SRGAP3: variants seen among roughly 807,000 people sequenced by gnomAD.
The protein encoded by SRGAP3 is SLIT-ROBO Rho GTPase activating protein 3, also known as SLIT-ROBO Rho GTPase-activating protein 3.
In SRGAP3, 39 loss-of-function variants were observed where a neutral mutation model predicts 121.1. The observed-to-expected ratio is 0.32, with a 90% CI of 0.25 to 0.42. The LOEUF (loss-of-function observed/expected upper bound fraction) is 0.42. SRGAP3 is among the 10% of genes least tolerant of loss of function. SRGAP3 has a pLI of 1.00. For synonymous variants in SRGAP3, 601 were observed against 570.0 expected (o/e 1.05, Z -0.77); for missense variants, 1,213 against 1,470.6 (o/e 0.82, Z 2.86).
At chr3:9,029,233 C>T (rs774544370) in intron 12 of SRGAP3, among the ~76,000 whole-genome samples, 1 of 152,184 alleles carries the variant, frequency 6.6e-6, no homozygotes, top group Non-Finnish European at 1.5e-5. Context: ...GCTCTAGAAA[C>T]ATAACATATA....
At chr3:9,009,617 G>C (rs1213926363) in intron 18 of SRGAP3, among the ~76,000 whole-genome samples, 2 of 152,106 alleles carry the variant, frequency 1.3e-5, no homozygotes, top group African/African-American at 2.4e-5. Context: ...GGATAAGTTG[G>C]CATATGGTTC....
rs550366070 is a variant in SRGAP3, at chr3:9,180,760, G to A, written c.68-55843C>T. ...CTTTACCCTGTCTGAATGCAGCCCC[G>A]AGAGCAGATCCCAGTTCCCACTGTA... On this transcript the variant is annotated intron_variant, in intron 1 of 21. Transcript: ENST00000383836. Among the ~76,000 whole-genome samples, 37 of 152,304 alleles carry A rather than the reference G, an allele frequency of 2.4e-4. No individual in the cohort carries two copies. In the South Asian group the frequency reaches 6.4e-3, roughly 26 times the overall value.
intron 1 of SRGAP3, among the ~76,000 whole-genome samples, chr3:9,163,175 C>A (rs1322916069): frequency 6.6e-6 from 1 of 152,120 alleles, no homozygotes; most frequent in Non-Finnish European, 1.5e-5. Context: ...TCCAGGCTGC[C>A]CTGGCTGAGA....
At chr3:9,183,702 G>A (rs1951500243) in intron 1 of SRGAP3, among the ~76,000 whole-genome samples, 1 of 151,616 alleles carries the variant, frequency 6.6e-6, no homozygotes, top group Non-Finnish European at 1.5e-5. Flanking sequence ...GGCTCCCTAG[G>A]AAACTAGTTG....
At chr3:9,173,462 C>T (rs1171068689) in intron 1 of SRGAP3, among the ~76,000 whole-genome samples, 3 of 152,174 alleles carry the variant, frequency 2.0e-5, no homozygotes, top group Non-Finnish European at 2.9e-5. Context: ...GCACTCAAGC[C>T]GCTCACTGGA....
chr3:9,088,210 C>T (rs1474034470), intron 3 of SRGAP3, among the ~76,000 whole-genome samples: 6 of 152,170 alleles, frequency 3.9e-5, no homozygotes, highest in Non-Finnish European at 8.8e-5. Flanking sequence ...TTCATGCCTG[C>T]AGGGGTCAGG....
At chr3:9,229,451 C>T (rs1350202198) in intron 1 of SRGAP3, among the ~76,000 whole-genome samples, 7 of 152,156 alleles carry the variant, frequency 4.6e-5, no homozygotes, top group South Asian at 2.1e-4. Flanking sequence ...GGTGTGGGCC[C>T]GGACAGAGGC....
intron 1 of SRGAP3, among the ~76,000 whole-genome samples, chr3:9,358,217 CT>C: frequency 6.6e-6 from 1 of 152,068 alleles, no homozygotes; most frequent in Non-Finnish European, 1.5e-5. Context: ...ACTCTACCCC[CT>C]TTAGCTATCA....
chr3:9,112,596 G>C (rs915281312), intron 2 of SRGAP3, among the ~76,000 whole-genome samples: 1 of 152,198 alleles, frequency 6.6e-6, no homozygotes, highest in Non-Finnish European at 1.5e-5. Flanking sequence ...GGAGCCTGGA[G>C]AGTCTTTAAC....
intron 3 of SRGAP3, among the ~76,000 whole-genome samples, chr3:9,302,499 G>C (rs1955078376): frequency 6.6e-6 from 1 of 152,208 alleles, no homozygotes; most frequent in South Asian, 2.1e-4. Context: ...GCTAGGTCAG[G>C]ATGCCGCAGG....
At chr3:9,216,506 G>C (rs1952633252) in intron 1 of SRGAP3, 1 of 152,718 alleles carries the variant, frequency 6.5e-6, no homozygotes, top group South Asian at 2.1e-4. Context: ...ACTTCAGGCT[G>C]GCAAAGCTGA....
chr3:9,062,830 T>C (rs1946238518), intron 5 of SRGAP3, among the ~76,000 whole-genome samples: 1 of 152,232 alleles, frequency 6.6e-6, no homozygotes, highest in South Asian at 2.1e-4. Flanking sequence ...ATGCTGCTAT[T>C]CATGTACAAG....
intron 3 of SRGAP3, among the ~76,000 whole-genome samples, chr3:9,296,917 C>T (rs1954962619): frequency 6.6e-6 from 1 of 152,112 alleles, no homozygotes; most frequent in African/African-American, 2.4e-5. Flanking sequence ...CAGGGTCTTG[C>T]TCTGTCACCC....
intron 1 of SRGAP3, among the ~76,000 whole-genome samples, chr3:9,206,386 C>A (rs1037158683): frequency 2.0e-5 from 3 of 152,262 alleles, no homozygotes; most frequent in East Asian, 1.9e-4. Context: ...GTCTGATTCC[C>A]GAGCCCATGT....
intron 17 of SRGAP3, among the ~76,000 whole-genome samples, chr3:9,012,027 C>T (rs1224284489): frequency 6.6e-6 from 1 of 152,086 alleles, no homozygotes; most frequent in Non-Finnish European, 1.5e-5. Flanking sequence ...TCTCTTTGTC[C>T]AGAAATTATG....
chr3:9,207,514 G>A (rs994261662), intron 1 of SRGAP3, among the ~76,000 whole-genome samples: 3 of 152,164 alleles, frequency 2.0e-5, no homozygotes, highest in Non-Finnish European at 4.4e-5. Flanking sequence ...AAGCAAACTC[G>A]GAGATGTAGA....
intron 1 of SRGAP3, among the ~76,000 whole-genome samples, chr3:9,127,290 T>C (rs1949271766): frequency 6.6e-6 from 1 of 151,984 alleles, no homozygotes; most frequent in Non-Finnish European, 1.5e-5. Context: ...TGAGCTATGA[T>C]TGTGAAACTG....
At chr3:9,333,288 CAAG>C (rs1298058236) in intron 1 of SRGAP3, among the ~76,000 whole-genome samples, 2 of 152,128 alleles carry the variant, frequency 1.3e-5, no homozygotes, top group Non-Finnish European at 2.9e-5. Context: ...GAATTCTTTT[CAAG>C]AGAAAGTATC....
At position 9,038,076 on chromosome 3, in the gene SRGAP3, A is replaced by G; in HGVS notation, c.1423T>C (p.Cys475Arg). The change falls in exon 11 of 22, where the codon TGC becomes CGC. Residue 475 changes from cysteine to arginine, a missense_variant. Cys to Arg is a radical substitution (Grantham distance 180). This residue lies in a region of SRGAP3 where 793 missense variants were observed against 1,032.9 expected (regional missense o/e 0.77). Coordinates refer to ENST00000383836, the MANE Select transcript of SRGAP3 (RefSeq NM_014850.4). ...TCCCACTCTCACCTGGTGGTGCCGC[A>G]TTCTGCTCTTTCCCCTGCAAAGAAA... Reference protein sequence around the residue: ...QTLGEGERAECGTTRPPCLPP... With the variant: ...QTLGEGERAERGTTRPPCLPP... 1 of 1,614,182 alleles carries G rather than the reference A, an allele frequency of 6.2e-7. No individual in the cohort carries two copies. The highest frequency in any genetic ancestry group is 8.5e-7 in the Non-Finnish European group (1 of 1,180,032).
Sources: gnomAD v4.1 joint callset for allele counts (sites outside exome capture counted in the v4.1 genomes callset) on GRCh38, gnomAD v4.1.1 for gene constraint, gnomAD v4.1.1 regional missense constraint, MANE v1.5 for transcripts, NCBI Gene and HGNC (gene_info 2026-07-23, HGNC 2026-07-21) for gene names.